MGMT: variants seen among roughly 807,000 people sequenced by gnomAD.
The protein encoded by MGMT is O-6-methylguanine-DNA methyltransferase, also known as methylated-DNA--protein-cysteine methyltransferase.
Under a neutral mutation model 15.9 loss-of-function variants are expected in MGMT, and 14 were observed. The observed-to-expected ratio is 0.88, with a 90% confidence interval of 0.58 to 1.37. MGMT has a LOEUF of 1.37. Ranked by LOEUF, MGMT falls within the 40% of genes most tolerant of loss-of-function variation. The pLI, the probability that MGMT is intolerant of heterozygous loss-of-function variation, is 0.00. For missense variants in MGMT, 282 were observed against 268.1 expected (o/e 1.05, Z -0.36); for synonymous variants, 130 against 118.2 (o/e 1.10, Z -0.65).
At chr10:129,743,121 G>A (rs1198740300) in intron 3 of MGMT, among the ~76,000 whole-genome samples, 1 of 152,116 alleles carries the variant, frequency 6.6e-6, no homozygotes, top group Non-Finnish European at 1.5e-5. Context: ...TGGGTGGAGC[G>A]GGGCGGGTCG....
At chr10:129,471,654 G>T (rs1394883589) in intron 1 of MGMT, among the ~76,000 whole-genome samples, 1 of 152,164 alleles carries the variant, frequency 6.6e-6, no homozygotes, top group Non-Finnish European at 1.5e-5. Flanking sequence ...CAGAATTACT[G>T]TGGGTGCTGG....
intron 4 of MGMT, among the ~76,000 whole-genome samples, chr10:129,760,504 T>G (rs971439942): frequency 6.6e-6 from 1 of 152,240 alleles, no homozygotes; most frequent in African/African-American, 2.4e-5. Flanking sequence ...GAAAAATTGC[T>G]GTGGCTTTAC....
At chr10:129,661,120 A>G (rs888753146) in intron 2 of MGMT, among the ~76,000 whole-genome samples, 3 of 152,064 alleles carry the variant, frequency 2.0e-5, no homozygotes, top group Admixed American at 1.3e-4. Context: ...ACTTCCTAAT[A>G]TATCATAGGC....
chr10:129,706,621 G>A (rs1399466705), intron 2 of MGMT, among the ~76,000 whole-genome samples: 3 of 152,158 alleles, frequency 2.0e-5, no homozygotes, highest in Non-Finnish European at 4.4e-5. Flanking sequence ...CTGGGGCCTC[G>A]AGAGGCAGGG....
At chr10:129,690,694 A>G (rs77875686) in intron 2 of MGMT, among the ~76,000 whole-genome samples, 12,010 of 152,302 alleles carry the variant, frequency 0.079, 694 homozygotes, top group Admixed American at 0.17. Flanking sequence ...CATTCCAGGT[A>G]CAGGGATAAG....
rs531169209 is a variant in MGMT at position 129,526,754 on chromosome 10, G to A, written c.-12-9487G>A. Among the ~76,000 whole-genome samples the A allele has an allele frequency of 4.6e-5, 7 of 152,304 alleles. No individual in the cohort carries two copies. In the South Asian group the frequency reaches 1.2e-3, roughly 27 times the overall value. Reference sequence around the variant, plus strand: ...GCTGCAAAGATGGTCCTGGAAGGACGGTTTTTAGACCTGACAGTTTTTAGT... The same window carrying A: ...GCTGCAAAGATGGTCCTGGAAGGACAGTTTTTAGACCTGACAGTTTTTAGT... On this transcript the variant is annotated intron_variant, in intron 1 of 4. Coordinates refer to ENST00000651593, the MANE Select transcript of MGMT (RefSeq NM_002412.5).
intron 3 of MGMT, among the ~76,000 whole-genome samples, chr10:129,743,208 C>T (rs1848658098): frequency 6.6e-6 from 1 of 152,234 alleles, no homozygotes; most frequent in African/African-American, 2.4e-5. Context: ...GCCCACCTGT[C>T]ACTTCCACTC....
At chr10:129,635,478 C>T (rs1847255261) in intron 2 of MGMT, among the ~76,000 whole-genome samples, 1 of 152,198 alleles carries the variant, frequency 6.6e-6, no homozygotes, top group South Asian at 2.1e-4. Context: ...CTGTACTTTG[C>T]TCTCCAGTTT....
At chr10:129,672,219 C>T (rs1382909916) in intron 2 of MGMT, among the ~76,000 whole-genome samples, 1 of 152,108 alleles carries the variant, frequency 6.6e-6, no homozygotes. Context: ...ATTCAGAATC[C>T]AGAGATACTG....
chr10:129,625,676 G>A (rs901796475), intron 2 of MGMT, among the ~76,000 whole-genome samples: 6 of 152,226 alleles, frequency 3.9e-5, no homozygotes, highest in Admixed American at 3.9e-4. Context: ...TGCAAAGTAA[G>A]AATATAAAGG....
intron 2 of MGMT, among the ~76,000 whole-genome samples, chr10:129,657,707 G>GCGCACA (rs1554874808): frequency 2.7e-5 from 3 of 111,562 alleles, no homozygotes; most frequent in South Asian, 2.9e-4. Flanking sequence ...ACACACACAC[G>GCGCACA]CACACACACA....
chr10:129,739,162 T>C (rs1170706444), intron 3 of MGMT, among the ~76,000 whole-genome samples: 1 of 152,106 alleles, frequency 6.6e-6, no homozygotes, highest in Non-Finnish European at 1.5e-5. Flanking sequence ...TCTCAAATAA[T>C]AAGAGCTATT....
Position 129,767,073 on chromosome 10 carries a change from CTGT to C in MGMT, c.*77_*79del. 7.9e-7 allele frequency: 1 copy of C among 1,265,248 alleles called. No homozygotes were observed. Among genetic ancestry groups the C allele is most frequent in the Non-Finnish European group, 1.1e-6 (1 of 928,858 alleles). 78.4% of individuals were successfully genotyped at this position (1,265,248 alleles called of 1,614,324 possible). On this transcript the variant is annotated 3_prime_UTR_variant, in exon 5 of 5. Coordinates refer to ENST00000651593, the MANE Select transcript of MGMT (RefSeq NM_002412.5). ...TCGGATGCGGGGCGTGGAGGCACCG[CTGT>C]ATTAAAGGAAGTGGCAGTGTCCTGG...
chr10:129,652,828 G>A (rs767330595), intron 2 of MGMT, among the ~76,000 whole-genome samples: 1 of 152,232 alleles, frequency 6.6e-6, no homozygotes, highest in African/African-American at 2.4e-5. Context: ...CCTCCCAAGC[G>A]TGCCCGTGCA....
At chr10:129,488,068 G>A (rs918828285) in intron 1 of MGMT, among the ~76,000 whole-genome samples, 6 of 150,038 alleles carry the variant, frequency 4.0e-5, no homozygotes, top group Admixed American at 3.3e-4. Flanking sequence ...GTTAGTAGTG[G>A]GAAGCCAAGC....
At chr10:129,722,115 A>G (rs1012813254) in intron 3 of MGMT, among the ~76,000 whole-genome samples, 2 of 152,150 alleles carry the variant, frequency 1.3e-5, no homozygotes, top group African/African-American at 4.8e-5. Context: ...GTAAAATTGT[A>G]TTTATTTTCA....
intron 2 of MGMT, among the ~76,000 whole-genome samples, chr10:129,537,345 T>C (rs907077998): frequency 7.2e-5 from 11 of 152,214 alleles, no homozygotes; most frequent in Middle Eastern, 3.2e-3. Context: ...GTCGAGATTT[T>C]TCCTGTAGAG....
rs1848732423 is a variant in MGMT at position 129,749,705 on chromosome 10, A to G, written c.275-9497A>G. ...GAAAGAAATTGCAAAACAGTCTTCC[A>G]AAGTGGCTTTACCATTTTGCATTCC... On this transcript the variant is annotated intron_variant, in intron 3 of 4. Transcript: ENST00000651593. Among the ~76,000 whole-genome samples, 5 of 152,188 alleles carry G rather than the reference A, an allele frequency of 3.3e-5. No homozygotes were observed. In the South Asian group the frequency reaches 1.0e-3, roughly 32 times the overall value.
chr10:129,578,452 A>G (rs1408572808), intron 2 of MGMT, among the ~76,000 whole-genome samples: 1 of 148,422 alleles, frequency 6.7e-6, no homozygotes, highest in African/African-American at 2.5e-5. Context: ...CAAACACCGC[A>G]TGTTCTCACT....
Sources: allele counts gnomAD v4.1 joint callset (sites outside exome capture counted in the v4.1 genomes callset), GRCh38; gene constraint gnomAD v4.1.1; transcripts MANE v1.5; gene names NCBI Gene and HGNC (gene_info 2026-07-23, HGNC 2026-07-21).